The following USP31 variants were observed in gnomAD, a reference collection of about 807,000 sequenced individuals.
USP31 encodes ubiquitin carboxyl-terminal hydrolase 31.
A neutral mutation model predicts 119.4 loss-of-function variants in USP31; 44 were observed. The observed-to-expected ratio is 0.37, with a 90% CI of 0.29 to 0.47. The LOEUF is 0.47. USP31 is among the 20% of genes least tolerant of loss of function. USP31 has a pLI of 0.99. For synonymous variants in USP31, 749 were observed against 705.6 expected, an observed-to-expected ratio of 1.06 and a Z score of -0.97; for missense variants, 1,643 against 1,730.2, an observed-to-expected ratio of 0.95 and a Z score of 0.89.
intron 1 of USP31, among the ~76,000 whole-genome samples, chr16:23,111,590 C>T (rs577085250): frequency 5.1e-4 from 77 of 152,160 alleles, no homozygotes; most frequent in African/African-American, 1.4e-3. Flanking sequence ...ATGCTAAGGA[C>T]AAAGATTTGG....
At chr16:23,081,388 CCT>C (rs1362658682) in intron 12 of USP31, among the ~76,000 whole-genome samples, 1 of 152,146 alleles carries the variant, frequency 6.6e-6, no homozygotes, top group Non-Finnish European at 1.5e-5. Context: ...GAACCTCAAA[CCT>C]CTGTGTGAAA....
In USP31 at chr16:23,068,706, G is replaced by A. The variant is rs1419047814; in HGVS notation, c.3399C>T (p.Ala1133=). The change falls in exon 16 of 16, where the codon GCC becomes GCT. Residue 1133 remains alanine, a synonymous_variant. Transcript: ENST00000219689. ...YTASSTSAKK[A]SGPATRSPFP... ...AAGGGCTCCTTGTGGCAGGGCCCGA[G>A]GCCTTTTTGGCAGATGTGGAGGAAG... 1 of 1,613,290 alleles carries A rather than the reference G, an allele frequency of 6.2e-7. No homozygotes were observed. The highest frequency in any genetic ancestry group is 8.5e-7 in the Non-Finnish European group (1 of 1,179,724).
At chr16:23,082,817 C>T (rs1173832588) in intron 11 of USP31, among the ~76,000 whole-genome samples, 1 of 144,260 alleles carries the variant, frequency 6.9e-6, no homozygotes, top group Non-Finnish European at 1.5e-5. Context: ...AAATATGTTA[C>T]TTTCTTTCTC....
chr16:23,077,844 C>G (rs1323415710), intron 13 of USP31, among the ~76,000 whole-genome samples: 4 of 152,060 alleles, frequency 2.6e-5, no homozygotes, highest in Non-Finnish European at 2.9e-5. Context: ...GATTCCATTT[C>G]CAAGACTCAA....
chr16:23,093,993 G>T (rs1171827057), intron 6 of USP31, among the ~76,000 whole-genome samples: 1 of 152,158 alleles, frequency 6.6e-6, no homozygotes, highest in Non-Finnish European at 1.5e-5. Flanking sequence ...CATTGGGACG[G>T]TTGGACAGTG....
At chr16:23,112,195 T>A (rs1008823659) in intron 1 of USP31, among the ~76,000 whole-genome samples, 5 of 152,110 alleles carry the variant, frequency 3.3e-5, no homozygotes, top group Non-Finnish European at 7.4e-5. Context: ...TGATGGGAAG[T>A]CTTCATCATG....
intron 1 of USP31, among the ~76,000 whole-genome samples, chr16:23,129,365 T>C (rs1381448108): frequency 6.6e-6 from 1 of 152,176 alleles, no homozygotes; most frequent in Non-Finnish European, 1.5e-5. Flanking sequence ...TATATATGTG[T>C]GTGACAGAAA....
intron 15 of USP31, among the ~76,000 whole-genome samples, chr16:23,071,423 A>C (rs1900336972): frequency 6.6e-6 from 1 of 151,890 alleles, no homozygotes; most frequent in African/African-American, 2.4e-5. Context: ...CCCTGTCGAA[A>C]CTAAGGTCTA....
chr16:23,073,959 G>A (rs1212437884), intron 13 of USP31, 79 bp from the exon 14 acceptor site: 2 of 1,590,538 alleles, frequency 1.3e-6, no homozygotes, highest in African/African-American at 1.3e-5. Context: ...CCATCTCTTT[G>A]GCTCATCTAA....
intron 1 of USP31, among the ~76,000 whole-genome samples, chr16:23,113,049 A>T (rs1310492713): frequency 4.6e-5 from 7 of 151,962 alleles, no homozygotes; most frequent in South Asian, 4.1e-4. Flanking sequence ...AAGAATTAAT[A>T]AAAAAAACAT....
chr16:23,094,246 A>G (rs1483486872), intron 6 of USP31, among the ~76,000 whole-genome samples: 2 of 152,196 alleles, frequency 1.3e-5, no homozygotes, highest in Non-Finnish European at 2.9e-5. Flanking sequence ...GCTCACTGCT[A>G]GCGCAGCAGT....
chr16:23,142,066 T>A (rs1903369606), intron 1 of USP31, among the ~76,000 whole-genome samples: 4 of 152,222 alleles, frequency 2.6e-5, no homozygotes, highest in Admixed American at 2.6e-4. Flanking sequence ...TTGTACTTAA[T>A]CCTGTATTCC....
chr16:23,143,592 G>GA (rs34161058), intron 1 of USP31, among the ~76,000 whole-genome samples: 1 of 150,778 alleles, frequency 6.6e-6, no homozygotes, highest in African/African-American at 2.4e-5. Flanking sequence ...GGTTGGGGGG[G>GA]GGGAGAGAGA....
At chr16:23,111,917 AAAG>A (rs1364515457) in intron 1 of USP31, among the ~76,000 whole-genome samples, 1 of 152,234 alleles carries the variant, frequency 6.6e-6, no homozygotes, top group African/African-American at 2.4e-5. Flanking sequence ...ACAGAGGTGA[AAAG>A]AAGGAACAGA....
intron 2 of USP31, among the ~76,000 whole-genome samples, chr16:23,107,549 C>A (rs1902157911): frequency 1.3e-5 from 2 of 152,282 alleles, no homozygotes; most frequent in South Asian, 4.2e-4. Context: ...TTATATAAGT[C>A]ATTTTACCCA....
chr16:23,076,407 T>C (rs1900577788), intron 13 of USP31, among the ~76,000 whole-genome samples: 1 of 151,876 alleles, frequency 6.6e-6, no homozygotes, highest in Non-Finnish European at 1.5e-5. Context: ...AGAAAAGTGG[T>C]GGTAGGGTCT....
intron 11 of USP31, among the ~76,000 whole-genome samples, chr16:23,083,719 GA>G (rs1198740539): frequency 8.5e-5 from 6 of 70,432 alleles, no homozygotes; most frequent in East Asian, 6.1e-4. Flanking sequence ...GGGAAGGGGT[GA>G]AAAAAAAAAC....
chr16:23,073,629 A>G lies in USP31; in HGVS notation c.2335+93T>C, dbSNP rs78949670. ...TAAGGATTCATCTGATCAAACTGAC[A>G]GAGTCATGAGAGCCTCCAGAGAGGT... On this transcript the variant is annotated intron_variant, in intron 14 of 15. Transcript: ENST00000219689. 8,759 of 1,422,692 alleles carry G rather than the reference A, an allele frequency of 6.2e-3. 463 individuals are homozygous for G. In the African/African-American group the frequency reaches 0.11, roughly 18 times the overall value. 88.1% of individuals were successfully genotyped at this position (1,422,692 alleles called of 1,614,324 possible).
chr16:23,132,017 G>A (rs1319589741), intron 1 of USP31, among the ~76,000 whole-genome samples: 2 of 152,118 alleles, frequency 1.3e-5, no homozygotes, highest in African/African-American at 2.4e-5. Flanking sequence ...GCTACCATCC[G>A]AACCCAACAG....
Sources: allele counts gnomAD v4.1 joint callset (sites outside exome capture counted in the v4.1 genomes callset), GRCh38; gene constraint gnomAD v4.1.1; transcripts MANE v1.5; gene names NCBI Gene and HGNC (gene_info 2026-07-23, HGNC 2026-07-21).